Variants in CNTN4 observed in about 807,000 individuals in gnomAD.
CNTN4 encodes the protein contactin-4.
A neutral mutation model predicts 122.5 loss-of-function variants in CNTN4; 77 were observed. The ratio of observed to expected loss-of-function variants is 0.63; its 90% confidence interval spans 0.52 to 0.76. CNTN4 has a LOEUF of 0.76. Ranked by LOEUF, CNTN4 falls within the 30% of genes least tolerant of loss-of-function variation. The probability of loss-of-function intolerance (pLI) is 0.00; values close to 1 mark genes in which losing one functional copy is unlikely to be tolerated. For missense variants in CNTN4, 1,256 were observed against 1,259.1 expected (o/e 1.00, Z 0.04); for synonymous variants, 512 against 447.0 (o/e 1.15, Z -1.83).
chr3:2,871,867 G>C (rs986839408), intron 8 of CNTN4, among the ~76,000 whole-genome samples: 1 of 152,176 alleles, frequency 6.6e-6, no homozygotes, highest in African/African-American at 2.4e-5. Flanking sequence ...AAAAATATGA[G>C]TTGGTAGATA....
intron 4 of CNTN4, among the ~76,000 whole-genome samples, chr3:2,647,207 C>A (rs2083164127): frequency 6.6e-6 from 1 of 151,890 alleles, no homozygotes; most frequent in Admixed American, 6.6e-5. Flanking sequence ...ATGGTGAGAC[C>A]CCGTCCCTAC....
chr3:2,503,062 T>A (rs1193124065), intron 3 of CNTN4, among the ~76,000 whole-genome samples: 1 of 152,182 alleles, frequency 6.6e-6, no homozygotes, highest in Non-Finnish European at 1.5e-5. Context: ...ACATGATATC[T>A]GCCATCAGGG....
chr3:2,845,801 T>C (rs892880759), intron 7 of CNTN4, among the ~76,000 whole-genome samples: 1 of 152,224 alleles, frequency 6.6e-6, no homozygotes, highest in Admixed American at 6.5e-5. Context: ...ATTTGCCTTC[T>C]TCAAGGTTCA....
chr3:2,576,400 A>G (rs2079686820), intron 4 of CNTN4, among the ~76,000 whole-genome samples: 1 of 152,234 alleles, frequency 6.6e-6, no homozygotes. Flanking sequence ...ATGGACTAGC[A>G]ATACTATGAT....
chr3:2,229,955 G>A (rs2039423375), intron 2 of CNTN4, among the ~76,000 whole-genome samples: 1 of 152,166 alleles, frequency 6.6e-6, no homozygotes, highest in African/African-American at 2.4e-5. Context: ...GAGAATGTGA[G>A]GGAGTTATCA....
chr3:3,027,693 A>G (rs532157976), intron 15 of CNTN4, among the ~76,000 whole-genome samples: 2 of 152,290 alleles, frequency 1.3e-5, no homozygotes, highest in African/African-American at 4.8e-5. Flanking sequence ...TGGGCAGGAG[A>G]GATATTAAAA....
At chr3:2,209,356 A>G (rs1009126918) in intron 2 of CNTN4, among the ~76,000 whole-genome samples, 1 of 152,166 alleles carries the variant, frequency 6.6e-6, no homozygotes, top group Admixed American at 6.6e-5. Flanking sequence ...CTAACTGCTA[A>G]GGAGCTTGGG....
chr3:2,605,772 G>A (rs2081231378), intron 4 of CNTN4, among the ~76,000 whole-genome samples: 1 of 152,172 alleles, frequency 6.6e-6, no homozygotes, highest in Non-Finnish European at 1.5e-5. Context: ...ACCAACCGAT[G>A]TCCTGTCAGG....
chr3:2,696,909 TGTTAA>T (rs1200366777), intron 4 of CNTN4, among the ~76,000 whole-genome samples: 1 of 152,224 alleles, frequency 6.6e-6, no homozygotes, highest in Non-Finnish European at 1.5e-5. Flanking sequence ...GATAGCCATT[TGTTAA>T]GTTAATTGCC....
chr3:2,108,106 G>T (rs1217645750), intron 2 of CNTN4, among the ~76,000 whole-genome samples: 2 of 151,014 alleles, frequency 1.3e-5, no homozygotes, highest in African/African-American at 4.9e-5. Context: ...CCTCCCCCAG[G>T]CTTGCAGACC....
At chr3:2,798,371 A>ATCTATCTATCTATCTATCTG (rs2092260791) in intron 6 of CNTN4, among the ~76,000 whole-genome samples, 1 of 149,234 alleles carries the variant, frequency 6.7e-6, no homozygotes, top group Non-Finnish European at 1.5e-5. Flanking sequence ...ACATAAATCT[A>ATCTATCTATCTATCTATCTG]TCTATCTATC....
intron 2 of CNTN4, among the ~76,000 whole-genome samples, chr3:2,121,015 G>A (rs12493006): frequency 0.22 from 33,493 of 151,844 alleles, 4,662 homozygotes; most frequent in Admixed American, 0.33. Flanking sequence ...GGCTTTCTCT[G>A]CATCTGAAGC....
chr3:2,187,761 T>C (rs9968229), intron 2 of CNTN4, among the ~76,000 whole-genome samples: 3,777 of 152,258 alleles, frequency 0.025, 148 homozygotes, highest in African/African-American at 0.087. Context: ...CCTTGCTTAC[T>C]CACAGGAGAG....
In CNTN4 at chr3:2,353,760, G is replaced by A. The variant is rs2044745039; in HGVS notation, c.-89+14527G>A. Among the ~76,000 whole-genome samples the A allele has an allele frequency of 1.2e-4, 19 of 152,310 alleles. No individual in the cohort carries two copies. In the South Asian group the frequency reaches 3.9e-3, roughly 32 times the overall value. On this transcript the variant is annotated intron_variant, in intron 3 of 24. Transcript: ENST00000418658. ...AACACAAAAACAAAATTAGCCGGGT[G>A]TGGTGGCGGGCGCCTGTGGTCCCAG...
chr3:2,682,705 T>C (rs922776629), intron 4 of CNTN4, among the ~76,000 whole-genome samples: 2 of 152,120 alleles, frequency 1.3e-5, no homozygotes, highest in African/African-American at 2.4e-5. Flanking sequence ...ATTGGTTAAA[T>C]AAAGATCTAG....
intron 2 of CNTN4, among the ~76,000 whole-genome samples, chr3:2,175,394 C>G (rs776914011): frequency 2.6e-5 from 4 of 151,838 alleles, no homozygotes. Flanking sequence ...TTTATTTCAA[C>G]AAGGAAAAAA....
chr3:2,230,917 G>T (rs1295543523), intron 2 of CNTN4, among the ~76,000 whole-genome samples: 1 of 152,084 alleles, frequency 6.6e-6, no homozygotes, highest in East Asian at 1.9e-4. Flanking sequence ...GAGCCCAGGG[G>T]GTTGAGGCTG....
intron 6 of CNTN4, among the ~76,000 whole-genome samples, chr3:2,814,855 G>C (rs932827797): frequency 2.6e-5 from 4 of 152,142 alleles, no homozygotes; most frequent in African/African-American, 9.7e-5. Context: ...AAGTGTAATG[G>C]AATTCAATGA....
intron 4 of CNTN4, among the ~76,000 whole-genome samples, chr3:2,678,442 C>T (rs2084988768): frequency 6.6e-6 from 1 of 152,094 alleles, no homozygotes. Context: ...AACAGCCAAA[C>T]TCATTATTTA....
Sources: allele counts gnomAD v4.1 joint callset (sites outside exome capture counted in the v4.1 genomes callset), GRCh38; gene constraint gnomAD v4.1.1; transcripts MANE v1.5; gene names NCBI Gene and HGNC (gene_info 2026-07-23, HGNC 2026-07-21).